Variants in MYO3B observed in about 807,000 individuals in gnomAD.
MYO3B encodes the protein myosin-IIIb.
MYO3B carries 156 observed loss-of-function variants against 174.6 expected under a neutral mutation model. The ratio of observed to expected loss-of-function variants is 0.89; its 90% confidence interval spans 0.78 to 1.02. The LOEUF is 1.02. Among genes scored for constraint, MYO3B ranks in the 50% least tolerant of loss-of-function variants. MYO3B has a pLI of 0.00. For missense variants in MYO3B, 1,632 were observed against 1,639.4 expected, an observed-to-expected ratio of 1.00 and a Z score of 0.08; for synonymous variants, 563 against 569.1, an observed-to-expected ratio of 0.99 and a Z score of 0.15.
At chr2:170,554,585 G>A (rs1386780460) in intron 32 of MYO3B, among the ~76,000 whole-genome samples, 1 of 152,208 alleles carries the variant, frequency 6.6e-6, no homozygotes, top group Non-Finnish European at 1.5e-5. Context: ...TCTCATTCCT[G>A]CGACTCATTA....
At chr2:170,320,141 A>G (rs2105492239) in intron 7 of MYO3B, among the ~76,000 whole-genome samples, 1 of 152,196 alleles carries the variant, frequency 6.6e-6, no homozygotes, top group East Asian at 1.9e-4. Context: ...TATTTTTCTC[A>G]TTTTCTCAGC....
At chr2:170,291,713 G>GGTTTT (rs111289815) in intron 7 of MYO3B, among the ~76,000 whole-genome samples, 1 of 150,056 alleles carries the variant, frequency 6.7e-6, no homozygotes, top group Non-Finnish European at 1.5e-5. Flanking sequence ...TGGATGACAG[G>GGTTTT]TTTTTTTTAT....
intron 6 of MYO3B, among the ~76,000 whole-genome samples, chr2:170,224,946 A>G (rs1467174580): frequency 1.3e-5 from 2 of 152,258 alleles, no homozygotes; most frequent in Non-Finnish European, 2.9e-5. Context: ...TGCCATTCCT[A>G]GTAAATGATA....
chr2:170,438,843 C>T (rs2094776823), intron 22 of MYO3B, among the ~76,000 whole-genome samples: 1 of 151,962 alleles, frequency 6.6e-6, no homozygotes, highest in Non-Finnish European at 1.5e-5. Context: ...CCATATTGGC[C>T]AGGCTGGTCT....
intron 28 of MYO3B, among the ~76,000 whole-genome samples, chr2:170,512,246 A>G (rs995583702): frequency 1.3e-5 from 2 of 152,158 alleles, no homozygotes; most frequent in Admixed American, 6.5e-5. Context: ...AAATGTGTCA[A>G]TGAGATTCTA....
chr2:170,402,835 C>T lies in MYO3B; in HGVS notation c.2130-13C>T. 1 of 1,588,996 alleles carries T rather than the reference C, an allele frequency of 6.3e-7. No individual in the cohort carries two copies. Among genetic ancestry groups the T allele is most frequent in the Non-Finnish European group, 8.6e-7 (1 of 1,162,090 alleles). ...TCCTCCCCTAAAGAGTTTTGTTCTT[C>T]TCTCTCATGCAGTAGTGCAGGAGGT... is the stretch of plus-strand genomic sequence containing the variant. On this transcript the variant is annotated splice_polypyrimidine_tract_variant and intron_variant, in intron 18 of 34. Transcript: ENST00000408978.
intron 25 of MYO3B, among the ~76,000 whole-genome samples, chr2:170,471,366 T>G (rs1684966773): frequency 6.6e-6 from 1 of 152,076 alleles, no homozygotes; most frequent in African/African-American, 2.4e-5. Context: ...GTCTTCTTGA[T>G]GGTGTCCTTT....
chr2:170,628,701 A>G lies in MYO3B; in HGVS notation c.3734-22927A>G, dbSNP rs139856209. Among the ~76,000 whole-genome samples, 200 of 151,584 alleles carry G rather than the reference A, an allele frequency of 1.3e-3. 6 individuals carry two copies. In the East Asian group the frequency reaches 0.035, roughly 26 times the overall value. ...GTCCTCTTATATTCTTATAAATCAA[A>G]CTCTGATATTACAAAACCTACAGCC... On this transcript the variant is annotated intron_variant, in intron 32 of 34. Transcript: ENST00000408978.
intron 32 of MYO3B, among the ~76,000 whole-genome samples, chr2:170,584,106 A>T (rs1369325176): frequency 6.6e-6 from 1 of 152,224 alleles, no homozygotes; most frequent in Non-Finnish European, 1.5e-5. Flanking sequence ...AGAATGTCTT[A>T]TGTGCATGCC....
At chr2:170,547,180 A>G (rs879376526) in intron 32 of MYO3B, among the ~76,000 whole-genome samples, 3 of 125,718 alleles carry the variant, frequency 2.4e-5, no homozygotes, top group Non-Finnish European at 5.4e-5. Flanking sequence ...AAAAAAAAAA[A>G]ATAGCCGGGC....
chr2:170,521,778 A>G (rs1010538382), intron 30 of MYO3B, among the ~76,000 whole-genome samples: 16 of 151,948 alleles, frequency 1.1e-4, no homozygotes, highest in Admixed American at 1.0e-3. Context: ...TTACCACCAG[A>G]CTTCCTCCAA....
At chr2:170,281,502 G>A (rs1055298359) in intron 7 of MYO3B, among the ~76,000 whole-genome samples, 2 of 151,972 alleles carry the variant, frequency 1.3e-5, no homozygotes, top group Non-Finnish European at 2.9e-5. Context: ...ATGACTTTTG[G>A]GTAAATAATG....
At chr2:170,205,301 T>C (rs542348282) in intron 3 of MYO3B, among the ~76,000 whole-genome samples, 1 of 152,244 alleles carries the variant, frequency 6.6e-6, no homozygotes, top group East Asian at 1.9e-4. Context: ...GTTGCAAAAA[T>C]GGCCACACTT....
intron 32 of MYO3B, among the ~76,000 whole-genome samples, chr2:170,561,237 C>T (rs563218156): frequency 2.0e-5 from 3 of 152,316 alleles, no homozygotes; most frequent in Non-Finnish European, 4.4e-5. Context: ...GAATGGATGC[C>T]TCCCTCTCAT....
chr2:170,410,592 G>GAAAAAAAAAAAAAAAAAAAAAAAAAAA (rs59296953), intron 22 of MYO3B, among the ~76,000 whole-genome samples: 2 of 112,530 alleles, frequency 1.8e-5, no homozygotes, highest in Non-Finnish European at 1.8e-5. Context: ...CAAAAAAAAA[G>GAAAAAAAAAAAAAAAAAAAAAAAAAAA]AAAAAAAAAA....
At chr2:170,623,392 T>C (rs1345745134) in intron 32 of MYO3B, among the ~76,000 whole-genome samples, 2 of 152,378 alleles carry the variant, frequency 1.3e-5, no homozygotes, top group East Asian at 3.9e-4. Context: ...TGTCTGTTCA[T>C]ATACTTTGCA....
At chr2:170,368,841 T>C (rs372350380) in intron 8 of MYO3B, among the ~76,000 whole-genome samples, 4 of 152,344 alleles carry the variant, frequency 2.6e-5, no homozygotes, top group African/African-American at 9.6e-5. Context: ...TATTTAATTC[T>C]ACGTATTTCT....
In MYO3B at chr2:170,489,630, T is replaced by G. The variant is rs186994179; in HGVS notation, c.3015-8962T>G. Reference sequence around the variant, plus strand: ...GGGTTCTCCAGAGAAACAAAACCAGTAGGGGTGTGTGTGTGTGTGTGTGTG... The same window carrying G: ...GGGTTCTCCAGAGAAACAAAACCAGGAGGGGTGTGTGTGTGTGTGTGTGTG... On this transcript the variant is annotated intron_variant, in intron 25 of 34. Transcript: ENST00000408978. 7.6e-3 allele frequency among the ~76,000 whole-genome samples: 1,106 copies of G among 144,692 alleles called. 11 individuals carry two copies. Among genetic ancestry groups the G allele is most frequent in the African/African-American group, 0.028 (1,049 of 37,386 alleles). The allele number at this position is 144,692 out of a possible 152,430, so 94.9% of individuals were successfully genotyped here.
intron 9 of MYO3B, among the ~76,000 whole-genome samples, chr2:170,375,933 A>C (rs938512104): frequency 6.6e-6 from 1 of 152,160 alleles, no homozygotes; most frequent in African/African-American, 2.4e-5. Flanking sequence ...ATCTATACCT[A>C]TATCTGTCTA....
Sources: allele counts gnomAD v4.1 joint callset (sites outside exome capture counted in the v4.1 genomes callset), GRCh38; gene constraint gnomAD v4.1.1; transcripts MANE v1.5; gene names NCBI Gene and HGNC (gene_info 2026-07-23, HGNC 2026-07-21).